The following MAP2K5 variants were observed in gnomAD, a reference collection of about 807,000 sequenced individuals.
MAP2K5 encodes the protein dual specificity mitogen-activated protein kinase kinase 5.
Under a neutral mutation model 83.1 loss-of-function variants are expected in MAP2K5, and 49 were observed. The ratio of observed to expected loss-of-function variants is 0.59; its 90% CI spans 0.47 to 0.75. The LOEUF (loss-of-function observed/expected upper bound fraction) is 0.75. MAP2K5 is among the 30% of genes least tolerant of loss of function. The pLI is 0.00. For synonymous variants in MAP2K5, 202 were observed against 191.8 expected, an observed-to-expected ratio of 1.05 and a Z score of -0.44; for missense variants, 457 against 557.5, an observed-to-expected ratio of 0.82 and a Z score of 1.82.
chr15:67,673,225 A>G (rs2087591744), intron 13 of MAP2K5, among the ~76,000 whole-genome samples: 1 of 151,894 alleles, frequency 6.6e-6, no homozygotes, highest in Admixed American at 6.6e-5. Context: ...TTTTGTTGTG[A>G]AACAATGGTA....
Position 67,563,329 on chromosome 15 carries a change from A to C in MAP2K5, c.231A>C (p.Glu77Asp). The C allele has an allele frequency of 6.2e-7, 1 of 1,611,728 alleles. No individual in the cohort carries two copies. The highest frequency in any genetic ancestry group is 1.1e-5 in the South Asian group (1 of 90,742). Residue 77 changes from glutamate to aspartate, a missense_variant, in exon 3 of 22, where the codon GAA becomes GAC. This residue lies in a region of MAP2K5 where 234 missense variants were observed against 243.6 expected (regional missense o/e 0.96). Coordinates refer to ENST00000178640, the MANE Select transcript of MAP2K5 (RefSeq NM_145160.3). The surrounding 1 kb of genome is among the most constrained non-coding windows in gnomAD (Gnocchi z 4.5). ...GAATTACAGTGAGAAGTGATGAGGA[A>C]ATGAAGGCAATGCTGTCATATGTAA... ...GDRITVRSDE[E>D]MKAMLSYYYS... is the part of the protein sequence containing the mutation.
chr15:67,749,484 GA>G lies in MAP2K5; in HGVS notation c.1134+890del, dbSNP rs1012896051. Among the ~76,000 whole-genome samples the G allele has an allele frequency of 5.9e-5, 9 of 151,970 alleles. No homozygotes were observed. The highest frequency in any genetic ancestry group is 1.9e-4 in the African/African-American group (8 of 41,434). On this transcript the variant is annotated intron_variant, in intron 19 of 21. Coordinates refer to ENST00000178640, the MANE Select transcript of MAP2K5 (RefSeq NM_145160.3). This position sits in a 1 kb window ranked among gnomAD's most constrained non-coding sequence, Gnocchi z 4.6. ...ATGATTCAGATAGGAAAGTTTGAAAGAAAAAAATTGTAATTCATAATTATTC... is the reference window on the plus strand; with the variant it reads ...ATGATTCAGATAGGAAAGTTTGAAAGAAAAAATTGTAATTCATAATTATTC...
Position 67,573,607 on chromosome 15 carries a change from A to G in MAP2K5, c.253-7147A>G, listed in dbSNP as rs1327668979. On this transcript the variant is annotated intron_variant, in intron 3 of 21. Transcript: ENST00000178640. This position sits in a 1 kb window ranked among gnomAD's most constrained non-coding sequence, Gnocchi z 4.2. ...CCATCTTGAATAGAAGCTGGGTAAA[A>G]TGAGGCTGCGACCTGCTGGGCCGCA... is the stretch of plus-strand genomic sequence containing the variant. 2.0e-5 allele frequency among the ~76,000 whole-genome samples: 3 copies of G among 152,074 alleles called. No individual in the cohort carries two copies. The highest frequency in any genetic ancestry group is 4.4e-5 in the Non-Finnish European group (3 of 68,008).
intron 9 of MAP2K5, among the ~76,000 whole-genome samples, chr15:67,633,408 T>C (rs923861562): frequency 3.9e-5 from 6 of 152,228 alleles, no homozygotes; most frequent in Admixed American, 3.3e-4. Context: ...CCTTGCAAAG[T>C]ACATTATACA....
intron 8 of MAP2K5, among the ~76,000 whole-genome samples, chr15:67,600,971 A>C (rs915683254): frequency 6.6e-6 from 1 of 152,170 alleles, no homozygotes; most frequent in Non-Finnish European, 1.5e-5. Context: ...CTGGGTGTGT[A>C]GTTAATAGTC....
At chr15:67,710,251 C>T (rs1227827088) in intron 16 of MAP2K5, among the ~76,000 whole-genome samples, 5 of 152,194 alleles carry the variant, frequency 3.3e-5, no homozygotes, top group Admixed American at 1.3e-4. Context: ...ACCCCTCTAA[C>T]CAGTCTCCTG....
rs1167552258 is a variant in MAP2K5, at chr15:67,720,671, T to C, written c.1045-7245T>C. On this transcript the variant is annotated intron_variant, in intron 16 of 21. Coordinates refer to ENST00000178640, the MANE Select transcript of MAP2K5 (RefSeq NM_145160.3). This position sits in a 1 kb window ranked among gnomAD's most constrained non-coding sequence, Gnocchi z 5.7. ...GGCGGATGAGCCCCGTCAGAAGAGC[T>C]GAAAATGAGGAAGTTGCCTTGCAGA... Among the ~76,000 whole-genome samples the C allele has an allele frequency of 7.9e-5, 12 of 152,162 alleles. No individual in the cohort carries two copies. Among genetic ancestry groups the C allele is most frequent in the Admixed American group, 6.6e-4 (10 of 15,264 alleles).
intron 21 of MAP2K5, among the ~76,000 whole-genome samples, chr15:67,800,294 T>C (rs2090680784): frequency 1.3e-5 from 2 of 152,214 alleles, no homozygotes; most frequent in African/African-American, 4.8e-5. Context: ...AAGACTTCAA[T>C]ATTAATGTAG....
At chr15:67,756,398 G>A (rs2089834811) in intron 19 of MAP2K5, among the ~76,000 whole-genome samples, 1 of 152,020 alleles carries the variant, frequency 6.6e-6, no homozygotes, top group African/African-American at 2.4e-5. Flanking sequence ...CTTTACTGAG[G>A]TACAATTAAC....
chr15:67,686,025 ATAG>A (rs1162679533), intron 13 of MAP2K5, among the ~76,000 whole-genome samples: 1 of 152,224 alleles, frequency 6.6e-6, no homozygotes, highest in Non-Finnish European at 1.5e-5. Context: ...TTAGAAGCAA[ATAG>A]TAGAGATTAG....
chr15:67,713,052 T>C (rs1406354290), intron 16 of MAP2K5, among the ~76,000 whole-genome samples: 1 of 151,894 alleles, frequency 6.6e-6, no homozygotes, highest in African/African-American at 2.4e-5. Context: ...CAAAGAAAAA[T>C]TTTAAATTTT....
At chr15:67,743,995 C>T (rs969322531) in intron 17 of MAP2K5, among the ~76,000 whole-genome samples, 1 of 152,192 alleles carries the variant, frequency 6.6e-6, no homozygotes, top group Non-Finnish European at 1.5e-5. Flanking sequence ...CTAACCCAGC[C>T]GTCAGGGTCA....
intron 19 of MAP2K5, among the ~76,000 whole-genome samples, chr15:67,767,073 G>A (rs1236433106): frequency 6.6e-6 from 1 of 152,080 alleles, no homozygotes; most frequent in Non-Finnish European, 1.5e-5. Context: ...AGTCGACTTG[G>A]GCTGGCATTT....
In MAP2K5 at chr15:67,646,487, T is replaced by C. The variant is rs1208043479; in HGVS notation, c.736+18T>C. The C allele has an allele frequency of 7.0e-7, 1 of 1,419,822 alleles. No homozygotes were observed. The highest frequency in any genetic ancestry group is 1.2e-5 in the South Asian group (1 of 81,208). The allele number at this position is 1,419,822 out of a possible 1,614,324, so 88.0% of individuals were successfully genotyped here. A position where few individuals can be genotyped will look rare whatever the true frequency, so the allele number is the denominator to read the frequency against. On this transcript the variant is annotated intron_variant, in intron 11 of 21. Coordinates refer to ENST00000178640, the MANE Select transcript of MAP2K5 (RefSeq NM_145160.3). ...CATGGATGGTGAGTTTTCCCTTTTA[T>C]AATACTTTTAAAATGATTTTTAGAG...
chr15:67,584,441 C>T (rs2085246777), intron 4 of MAP2K5, among the ~76,000 whole-genome samples: 1 of 152,134 alleles, frequency 6.6e-6, no homozygotes, highest in Non-Finnish European at 1.5e-5. Flanking sequence ...GATGGTCCCT[C>T]AAGGACCAGA....
chr15:67,727,880 A>G (rs769273967), intron 16 of MAP2K5, 36 bp from the exon 17 acceptor site: 1 of 1,557,188 alleles, frequency 6.4e-7, no homozygotes, highest in Admixed American at 1.7e-5. Context: ...CCTGCATGCA[A>G]ATCTATAACT....
rs2090206442 is a variant in MAP2K5 at position 67,774,709 on chromosome 15, G to A, written c.1242+1957G>A. Among the ~76,000 whole-genome samples, 1 of 152,136 alleles carries A rather than the reference G, an allele frequency of 6.6e-6. No homozygotes were observed. Among genetic ancestry groups the A allele is most frequent in the African/African-American group, 2.4e-5 (1 of 41,412 alleles). On this transcript the variant is annotated intron_variant, in intron 21 of 21. Coordinates refer to ENST00000178640, the MANE Select transcript of MAP2K5 (RefSeq NM_145160.3). The surrounding 1 kb of genome is among the most constrained non-coding windows in gnomAD (Gnocchi z 4.9). ...TTGATGGTGCTCCCATCTGGAAGCC[G>A]AGAGACTCCTCTGGAATGCATGAAC...
chr15:67,575,193 T>A (rs143637268), intron 3 of MAP2K5, among the ~76,000 whole-genome samples: 380 of 152,324 alleles, frequency 2.5e-3, no homozygotes, highest in African/African-American at 8.8e-3. Context: ...TCTCAGTGAT[T>A]CCTCTGGTAG....
intron 21 of MAP2K5, 47 bp downstream of exon 21, chr15:67,772,799 A>G: frequency 3.4e-6 from 5 of 1,463,826 alleles, no homozygotes; most frequent in South Asian, 1.2e-5. Flanking sequence ...TTATATATTT[A>G]TGTTTAACAT....
Sources: gnomAD v4.1 joint callset for allele counts (sites outside exome capture counted in the v4.1 genomes callset) on GRCh38, gnomAD v4.1.1 for gene constraint, gnomAD v4.1.1 regional missense constraint, Gnocchi (gnomAD v3.1) non-coding constraint, MANE v1.5 for transcripts, NCBI Gene and HGNC (gene_info 2026-07-23, HGNC 2026-07-21) for gene names.